Variants in LRRC8B observed in about 807,000 individuals in gnomAD.
The protein encoded by LRRC8B is volume-regulated anion channel subunit LRRC8B.
LRRC8B carries 23 observed loss-of-function variants against 58.8 expected under a neutral mutation model. The observed-to-expected ratio is 0.39, with a 90% confidence interval of 0.28 to 0.55. The LOEUF (loss-of-function observed/expected upper bound fraction) is 0.55, where lower values mean the gene tolerates loss of function less well. LRRC8B is among the 20% of genes least tolerant of loss of function. LRRC8B has a pLI of 0.62. For missense variants in LRRC8B, 694 were observed against 936.0 expected, an observed-to-expected ratio of 0.74 and a Z score of 3.37; for synonymous variants, 359 against 374.1, an observed-to-expected ratio of 0.96 and a Z score of 0.47.
Position 89,583,149 on chromosome 1 carries a change from C to CG in LRRC8B, c.500dup (p.Ala168ArgfsTer8). ...GTGCTTCGATTCTCCATGGACCACC[C>CG]GCGCCCTTTCAGAAACAGTGGCTGA... On this transcript the variant is annotated frameshift_variant, in exon 5 of 6. Transcript: ENST00000330947. LOFTEE classifies it high-confidence loss of function. The surrounding 1 kb of genome is among the most constrained non-coding windows in gnomAD (Gnocchi z 5.2). 6.2e-7 allele frequency: 1 copy of CG among 1,614,156 alleles called. No homozygotes were observed. Among genetic ancestry groups the CG allele is most frequent in the Non-Finnish European group, 8.5e-7 (1 of 1,180,026 alleles).
intron 1 of LRRC8B, among the ~76,000 whole-genome samples, chr1:89,535,050 CCTTT>C (rs1650429923): frequency 6.6e-6 from 1 of 151,894 alleles, no homozygotes; most frequent in African/African-American, 2.4e-5. Context: ...AAGATGTTTG[CCTTT>C]CTTTTTTGCT....
chr1:89,551,294 T>C (rs1651789898), intron 1 of LRRC8B, among the ~76,000 whole-genome samples: 2 of 152,170 alleles, frequency 1.3e-5, no homozygotes, highest in Admixed American at 6.5e-5. Context: ...TGGTGTCAGT[T>C]ATAGGATCAA....
chr1:89,588,855 A>G (rs985465421), intron 5 of LRRC8B, among the ~76,000 whole-genome samples: 4 of 152,190 alleles, frequency 2.6e-5, no homozygotes, highest in Non-Finnish European at 5.9e-5. Context: ...AAGTCTACCC[A>G]CTGCCTGTTT....
At chr1:89,547,469 G>A (rs996402177) in intron 1 of LRRC8B, among the ~76,000 whole-genome samples, 3 of 152,108 alleles carry the variant, frequency 2.0e-5, no homozygotes, top group African/African-American at 7.2e-5. Flanking sequence ...CAACCTTTGT[G>A]TATGTTTAAA....
chr1:89,595,646 G>A lies in LRRC8B; in HGVS notation c.*2603G>A, dbSNP rs1412637899. The A allele has an allele frequency of 1.3e-5, 2 of 152,084 alleles. No individual in the cohort carries two copies. The highest frequency in any genetic ancestry group is 2.4e-5 in the African/African-American group (1 of 41,434). 9.4% of individuals were successfully genotyped at this position (152,084 alleles called of 1,614,324 possible). Reference sequence around the variant, plus strand: ...AATCTATGTTGTTCTTGATGCCATGGTTTTACATCTTTTAATTTAAACCTT... The same window carrying A: ...AATCTATGTTGTTCTTGATGCCATGATTTTACATCTTTTAATTTAAACCTT... On this transcript the variant is annotated 3_prime_UTR_variant, in exon 6 of 6. Coordinates refer to ENST00000330947, the MANE Select transcript of LRRC8B (RefSeq NM_001369817.2).
chr1:89,588,301 T>G (rs1444854274), intron 5 of LRRC8B, among the ~76,000 whole-genome samples: 2 of 152,204 alleles, frequency 1.3e-5, no homozygotes, highest in Non-Finnish European at 2.9e-5. Context: ...TTTGATCATA[T>G]TTTTGCTGCA....
intron 1 of LRRC8B, among the ~76,000 whole-genome samples, chr1:89,553,275 G>A (rs1266589389): frequency 6.6e-6 from 1 of 152,166 alleles, no homozygotes; most frequent in Non-Finnish European, 1.5e-5. Context: ...TACCAGTTGT[G>A]CAACAAATGA....
At chr1:89,553,789 G>A (rs1326175587) in intron 1 of LRRC8B, among the ~76,000 whole-genome samples, 1 of 151,984 alleles carries the variant, frequency 6.6e-6, no homozygotes, top group Non-Finnish European at 1.5e-5. Context: ...ATTTCTCAAG[G>A]TACCTAGATA....
rs1166696653 is a variant in LRRC8B, at chr1:89,594,385, T to C, written c.*1342T>C. 1.3e-5 allele frequency: 2 copies of C among 152,194 alleles called. No homozygotes were observed. Among genetic ancestry groups the C allele is most frequent in the East Asian group, 1.9e-4 (1 of 5,196 alleles). The allele number at this position is 152,194 out of a possible 1,614,324, so 9.4% of individuals were successfully genotyped here. On this transcript the variant is annotated 3_prime_UTR_variant, in exon 6 of 6. Coordinates refer to ENST00000330947, the MANE Select transcript of LRRC8B (RefSeq NM_001369817.2). ...CCGAATCATCTACCTCTCTCTTCCA[T>C]AGTTGCTGTGCAATCGTACGGGTAA...
At chr1:89,550,265 A>G (rs896654673) in intron 1 of LRRC8B, among the ~76,000 whole-genome samples, 27 of 152,192 alleles carry the variant, frequency 1.8e-4, no homozygotes, top group African/African-American at 5.3e-4. Flanking sequence ...CCTGTTTATC[A>G]TCTGGACAAT....
chr1:89,553,590 A>AAAT (rs1337022740), intron 1 of LRRC8B, among the ~76,000 whole-genome samples: 1 of 152,214 alleles, frequency 6.6e-6, no homozygotes, highest in Admixed American at 6.5e-5. Context: ...CCTAGTCTAA[A>AAAT]AAAGTACAAA....
chr1:89,543,740 C>T lies in LRRC8B; in HGVS notation c.-241+18718C>T, dbSNP rs965691011. Among the ~76,000 whole-genome samples, 10 of 152,018 alleles carry T rather than the reference C, an allele frequency of 6.6e-5. No homozygotes were observed. The South Asian group carries it at 1.2e-3, about 19-fold the overall frequency. On this transcript the variant is annotated intron_variant, in intron 1 of 5. Transcript: ENST00000330947. Reference sequence around the variant, plus strand: ...CAAACTCCTGACCTCAGATGATCCACCCACCTTGGCCTCCCAAAGTGCTGG... The same window carrying T: ...CAAACTCCTGACCTCAGATGATCCATCCACCTTGGCCTCCCAAAGTGCTGG...
intron 3 of LRRC8B, among the ~76,000 whole-genome samples, 184 bp downstream of exon 3, chr1:89,568,677 C>T (rs554004821): frequency 1.3e-5 from 2 of 152,154 alleles, no homozygotes; most frequent in South Asian, 2.1e-4. Flanking sequence ...CATCTGTATA[C>T]CTTTTAGTAA....
At chr1:89,560,536 C>G (rs868354725) in intron 1 of LRRC8B, among the ~76,000 whole-genome samples, 1 of 151,008 alleles carries the variant, frequency 6.6e-6, no homozygotes, top group Non-Finnish European at 1.5e-5. Flanking sequence ...TCCCTCCCCC[C>G]TTCCCCCACC....
chr1:89,570,328 A>G (rs950710707), intron 3 of LRRC8B, among the ~76,000 whole-genome samples: 1 of 151,900 alleles, frequency 6.6e-6, no homozygotes, highest in African/African-American at 2.4e-5. Flanking sequence ...ACTAATTTAC[A>G]CTCTCACCAA....
At chr1:89,550,281 T>A (rs1021197802) in intron 1 of LRRC8B, among the ~76,000 whole-genome samples, 1 of 152,234 alleles carries the variant, frequency 6.6e-6, no homozygotes, top group Non-Finnish European at 1.5e-5. Flanking sequence ...ACAATTGATC[T>A]ATCCTGATCT....
chr1:89,560,116 G>A (rs1452212375), intron 1 of LRRC8B, among the ~76,000 whole-genome samples: 2 of 152,202 alleles, frequency 1.3e-5, no homozygotes, highest in Non-Finnish European at 2.9e-5. Flanking sequence ...AGATGACAAG[G>A]CCAACATTAT....
intron 1 of LRRC8B, among the ~76,000 whole-genome samples, chr1:89,546,961 T>C (rs1557598430): frequency 1.3e-5 from 2 of 152,222 alleles, no homozygotes; most frequent in Non-Finnish European, 2.9e-5. Flanking sequence ...ATTTTCAAGC[T>C]AGTTAAACAT....
At position 89,596,047 on chromosome 1, in the gene LRRC8B, A is replaced by G. The variant is rs1316474716; in HGVS notation, c.*3004A>G. ...GCAAATTATAGCATTAGTTTTTGAT[A>G]TATCTAGTGGTTTTTTTTTCAAAAT... On this transcript the variant is annotated 3_prime_UTR_variant, in exon 6 of 6. Coordinates refer to ENST00000330947, the MANE Select transcript of LRRC8B (RefSeq NM_001369817.2). 6.6e-6 allele frequency: 1 copy of G among 152,106 alleles called. No individual in the cohort carries two copies. The highest frequency in any genetic ancestry group is 2.4e-5 in the African/African-American group (1 of 41,438). The allele number at this position is 152,106 out of a possible 1,614,324, so 9.4% of individuals were successfully genotyped here. A position where few individuals can be genotyped will look rare whatever the true frequency, so the allele number is the denominator to read the frequency against.
Sources: gnomAD v4.1 joint callset for allele counts (sites outside exome capture counted in the v4.1 genomes callset) on GRCh38, gnomAD v4.1.1 for gene constraint, Gnocchi (gnomAD v3.1) non-coding constraint, MANE v1.5 for transcripts, NCBI Gene and HGNC (gene_info 2026-07-23, HGNC 2026-07-21) for gene names.